The following SLC25A21 variants were observed in gnomAD, a reference collection of about 807,000 sequenced individuals.
The protein encoded by SLC25A21 is mitochondrial 2-oxodicarboxylate carrier.
SLC25A21 carries 47 observed loss-of-function variants against 43.8 expected under a neutral mutation model. That is an observed-to-expected ratio of 1.07 (90% CI 0.85 to 1.37). SLC25A21 has a LOEUF of 1.37. Ranked by LOEUF, SLC25A21 falls within the 40% of genes most tolerant of loss-of-function variation. SLC25A21 has a pLI of 0.00. For synonymous variants in SLC25A21, 131 were observed against 121.3 expected, an observed-to-expected ratio of 1.08 and a Z score of -0.52; for missense variants, 352 against 350.2, an observed-to-expected ratio of 1.00 and a Z score of -0.04.
intron 1 of SLC25A21, among the ~76,000 whole-genome samples, chr14:37,062,723 T>C (rs529007600): frequency 6.6e-6 from 1 of 152,162 alleles, no homozygotes; most frequent in South Asian, 2.1e-4. Flanking sequence ...CCTTGGGAAA[T>C]AAGAAGCATA....
At chr14:36,892,135 AC>A (rs1891088799) in intron 1 of SLC25A21, among the ~76,000 whole-genome samples, 1 of 152,156 alleles carries the variant, frequency 6.6e-6, no homozygotes, top group South Asian at 2.1e-4. Flanking sequence ...AGAAAAGGGA[AC>A]CCTCACACAC....
chr14:37,172,364 G>A lies in SLC25A21; in HGVS notation c.-14C>T, dbSNP rs559341974. The A allele has an allele frequency of 5.0e-6, 8 of 1,589,462 alleles. No homozygotes were observed. Among genetic ancestry groups the A allele is most frequent in the Admixed American group, 1.8e-5 (1 of 56,614 alleles). ...CTTGGCGGACATCTTCGCCAGGCGG[G>A]AGGACAAGGGAGTGGGCTGAGATGC... On this transcript the variant is annotated 5_prime_UTR_variant, in exon 1 of 10. Coordinates refer to ENST00000331299, the MANE Select transcript of SLC25A21 (RefSeq NM_030631.4).
chr14:36,856,679 G>A (rs1010550212), intron 2 of SLC25A21, among the ~76,000 whole-genome samples: 5 of 152,188 alleles, frequency 3.3e-5, no homozygotes, highest in Non-Finnish European at 7.3e-5. Flanking sequence ...GCCCTGGCAC[G>A]TTGCTGGTAT....
At chr14:37,095,180 T>C (rs532818511) in intron 1 of SLC25A21, among the ~76,000 whole-genome samples, 1 of 152,230 alleles carries the variant, frequency 6.6e-6, no homozygotes, top group African/African-American at 2.4e-5. Flanking sequence ...TGGTTTAGAA[T>C]AGGTTTGTCA....
chr14:36,885,050 A>G (rs1890874260), intron 1 of SLC25A21, among the ~76,000 whole-genome samples: 1 of 152,118 alleles, frequency 6.6e-6, no homozygotes. Context: ...CTCTGCCCAG[A>G]CAGATGTCAT....
At chr14:36,733,378 G>A (rs1056987627) in intron 4 of SLC25A21, among the ~76,000 whole-genome samples, 1 of 152,140 alleles carries the variant, frequency 6.6e-6, no homozygotes, top group Admixed American at 6.5e-5. Context: ...AATTTGTATT[G>A]AAGTGATACT....
intron 6 of SLC25A21, 112 bp from the exon 7 acceptor site, chr14:36,711,594 A>G: frequency 7.4e-6 from 9 of 1,212,254 alleles, no homozygotes; most frequent in Non-Finnish European, 9.0e-6. Flanking sequence ...TTTTTCCCCC[A>G]GATATGAATA....
rs139216020 is a variant in SLC25A21 at position 36,784,227 on chromosome 14, C to T, written c.203+29691G>A. On this transcript the variant is annotated intron_variant, in intron 3 of 9. Transcript: ENST00000331299. ...TTTCCAGCACATAATTCAATTGACACATTTGATCTCCATTGACTATTAGCA... is the reference window on the plus strand; with the variant it reads ...TTTCCAGCACATAATTCAATTGACATATTTGATCTCCATTGACTATTAGCA... 1.5e-4 allele frequency among the ~76,000 whole-genome samples: 23 copies of T among 152,304 alleles called. No homozygotes were observed. The East Asian group carries it at 4.4e-3, about 29-fold the overall frequency.
intron 1 of SLC25A21, among the ~76,000 whole-genome samples, chr14:36,990,004 T>C (rs531844971): frequency 6.6e-6 from 1 of 152,292 alleles, no homozygotes. Flanking sequence ...CAAGCTGCTG[T>C]CATAAAGTAG....
At chr14:36,690,101 C>A (rs1240961714) in intron 7 of SLC25A21, among the ~76,000 whole-genome samples, 1 of 152,156 alleles carries the variant, frequency 6.6e-6, no homozygotes, top group East Asian at 1.9e-4. Context: ...TGAGTGATAC[C>A]TATCTCATAG....
chr14:37,130,618 T>C (rs1390547866), intron 1 of SLC25A21, among the ~76,000 whole-genome samples: 1 of 152,208 alleles, frequency 6.6e-6, no homozygotes, highest in Non-Finnish European at 1.5e-5. Context: ...TAAATGGAAA[T>C]TATTTCTTAA....
At chr14:36,792,996 C>CT (rs1887543793) in intron 3 of SLC25A21, among the ~76,000 whole-genome samples, 1 of 152,152 alleles carries the variant, frequency 6.6e-6, no homozygotes, top group Non-Finnish European at 1.5e-5. Flanking sequence ...ATTTGCTAAT[C>CT]TTTGTCTTCC....
chr14:36,732,156 CTTTCT>C lies in SLC25A21; in HGVS notation c.270+2346_270+2350del, dbSNP rs376679862. Reference sequence around the variant, plus strand: ...TCTCTCTATGTATATTTCTTTGTTTCTTTCTTTTAAGTTTTCTTTCTGTTTCTTTT... The same window carrying C: ...TCTCTCTATGTATATTTCTTTGTTTCTTTAAGTTTTCTTTCTGTTTCTTTT... On this transcript the variant is annotated intron_variant, in intron 4 of 9. Coordinates refer to ENST00000331299, the MANE Select transcript of SLC25A21 (RefSeq NM_030631.4). Among the ~76,000 whole-genome samples, 95 of 151,928 alleles carry C rather than the reference CTTTCT, an allele frequency of 6.3e-4. No individual in the cohort carries two copies. The South Asian group carries it at 7.5e-3, about 12-fold the overall frequency.
chr14:36,722,599 A>G (rs559788477), intron 6 of SLC25A21, among the ~76,000 whole-genome samples: 1 of 152,178 alleles, frequency 6.6e-6, no homozygotes, highest in African/African-American at 2.4e-5. Context: ...TGCTCTAAAA[A>G]TAGTCAAGAA....
At chr14:37,080,156 A>G (rs1310808439) in intron 1 of SLC25A21, among the ~76,000 whole-genome samples, 1 of 152,228 alleles carries the variant, frequency 6.6e-6, no homozygotes. Flanking sequence ...CAAACAGACT[A>G]AACTCGAGAT....
At chr14:36,986,417 C>T (rs1437268128) in intron 1 of SLC25A21, among the ~76,000 whole-genome samples, 1 of 152,156 alleles carries the variant, frequency 6.6e-6, no homozygotes, top group African/African-American at 2.4e-5. Flanking sequence ...TGGACCTCCA[C>T]TCCACTTGAC....
intron 7 of SLC25A21, among the ~76,000 whole-genome samples, chr14:36,708,667 C>G: frequency 6.6e-6 from 1 of 151,886 alleles, no homozygotes; most frequent in East Asian, 1.9e-4. Flanking sequence ...GAACTCTTAG[C>G]CTCAAGCAAT....
At chr14:37,113,752 G>T (rs2138880785) in intron 1 of SLC25A21, among the ~76,000 whole-genome samples, 1 of 150,774 alleles carries the variant, frequency 6.6e-6, no homozygotes, top group Non-Finnish European at 1.5e-5. Context: ...TACCCAAGAG[G>T]CTGAGGCTGG....
intron 3 of SLC25A21, among the ~76,000 whole-genome samples, chr14:36,780,309 G>GT (rs879813753): frequency 6.6e-6 from 1 of 151,552 alleles, no homozygotes; most frequent in Non-Finnish European, 1.5e-5. Context: ...CTTTTCTATT[G>GT]TTTTTTCATC....
Sources: gnomAD v4.1 joint callset for allele counts (sites outside exome capture counted in the v4.1 genomes callset) on GRCh38, gnomAD v4.1.1 for gene constraint, MANE v1.5 for transcripts, NCBI Gene and HGNC (gene_info 2026-07-23, HGNC 2026-07-21) for gene names.